HSH2D: variants seen among roughly 807,000 people sequenced by gnomAD.
The protein encoded by HSH2D is hematopoietic SH2 domain-containing protein.
HSH2D carries 16 observed loss-of-function variants against 21.5 expected under a neutral mutation model. The ratio of observed to expected loss-of-function variants is 0.74; its 90% confidence interval spans 0.50 to 1.13. The LOEUF (loss-of-function observed/expected upper bound fraction) is 1.13, where lower values mean the gene tolerates loss of function less well. HSH2D is among the 50% of genes most tolerant of loss of function. The pLI, the probability that HSH2D is intolerant of heterozygous loss-of-function variation, is 0.00. For missense variants in HSH2D, 418 were observed against 441.4 expected (o/e 0.95, Z 0.47); for synonymous variants, 172 against 184.7 (o/e 0.93, Z 0.56).
Position 16,148,890 on chromosome 19 carries a change from A to G in HSH2D, c.125+15A>G. 6.3e-7 allele frequency: 1 copy of G among 1,599,760 alleles called. No homozygotes were observed. The highest frequency in any genetic ancestry group is 1.1e-5 in the South Asian group (1 of 89,736). On this transcript the variant is annotated intron_variant, in intron 2 of 5. Transcript: ENST00000613986. The stretch of plus-strand genomic sequence containing the variant: ...ATCTCAAGAGAGTGAGGACACACCC[A>G]CACCCTCCACCCTGCCCTCCCCACC...
rs1346985717 is a variant in HSH2D at position 16,157,845 on chromosome 19, C to A, written c.*51C>A. On this transcript the variant is annotated 3_prime_UTR_variant, in exon 6 of 6. Coordinates refer to ENST00000613986, the MANE Select transcript of HSH2D (RefSeq NM_001382417.1). The surrounding 1 kb of genome is among the most constrained non-coding windows in gnomAD (Gnocchi z 4.4). ...ACTCGCTGCCAGGGGCTGCCACACT[C>A]CTGAATGCCTTAACATTTCTTCCAT... is the stretch of plus-strand genomic sequence containing the variant. 2.4e-5 allele frequency: 31 copies of A among 1,313,224 alleles called. No individual in the cohort carries two copies. The highest frequency in any genetic ancestry group is 3.0e-5 in the Non-Finnish European group (29 of 969,908). The allele number at this position is 1,313,224 out of a possible 1,614,324, so 81.3% of individuals were successfully genotyped here.
rs769787730 is a variant in HSH2D at position 16,148,788 on chromosome 19, C to T, written c.38C>T (p.Pro13Leu). 6 of 1,613,946 alleles carry T rather than the reference C, an allele frequency of 3.7e-6. No homozygotes were observed. In the South Asian group the frequency reaches 4.4e-5, roughly 12 times the overall value. ...GGGAAGCTGCCCCTACCGCTACCCC[C>T]ACGGCTGGACTGGTTTGTGCACACC... ...EAGKLPLPLP[P>L]RLDWFVHTQM... The change falls in exon 2 of 6, where the codon CCA (proline) becomes CTA (leucine). Residue 13 changes from proline to leucine, a missense_variant. Pro to Leu is a moderately conservative substitution (Grantham distance 98, BLOSUM62 -3). Coordinates refer to ENST00000613986, the MANE Select transcript of HSH2D (RefSeq NM_001382417.1).
intron 2 of HSH2D, chr19:16,151,476 T>C (rs1352597512): frequency 2.2e-6 from 1 of 455,454 alleles, no homozygotes; most frequent in Non-Finnish European, 4.4e-6. Flanking sequence ...TACTCTCCCC[T>C]TGAGGAAGCT....
intron 2 of HSH2D, 111 bp from the exon 3 acceptor site, chr19:16,152,441 A>G: frequency 1.7e-6 from 1 of 589,404 alleles, no homozygotes. Flanking sequence ...AGGAAAAAAG[A>G]AAAATGAAAA....
upstream of HSH2D, among the ~76,000 whole-genome samples, chr19:16,141,251 G>A (rs920292432): frequency 1.3e-5 from 2 of 152,206 alleles, no homozygotes; most frequent in African/African-American, 4.8e-5. Context: ...GACCACAGAG[G>A]GCAGACGAGG....
At chr19:16,144,464 C>T (rs2091036481) in intron 1 of HSH2D, among the ~76,000 whole-genome samples, 2 of 151,880 alleles carry the variant, frequency 1.3e-5, no homozygotes, top group South Asian at 2.1e-4. Flanking sequence ...AGCCTGTAAA[C>T]ATTACCCCAT....
In HSH2D at chr19:16,154,472, C is replaced by G; in HGVS notation, c.455C>G (p.Pro152Arg). The change falls in exon 5 of 6, where the codon CCG becomes CGG. Residue 152 changes from proline to arginine, a missense_variant. Transcript: ENST00000613986. ...GCAGTGGCCGAGGAAGCTGCCTGCC[C>G]GGTGTCTGCCCCTGAGGAGGTATGT... Reference protein sequence around the residue: ...SNAVAEEAACPVSAPEEASPK... With the variant: ...SNAVAEEAACRVSAPEEASPK... 3 of 1,552,002 alleles carry G rather than the reference C, an allele frequency of 1.9e-6. No individual in the cohort carries two copies. Among genetic ancestry groups the G allele is most frequent in the East Asian group, 2.4e-5 (1 of 41,000 alleles).
chr19:16,146,157 G>C (rs1384537599), intron 1 of HSH2D, among the ~76,000 whole-genome samples: 2 of 151,764 alleles, frequency 1.3e-5, no homozygotes, highest in East Asian at 1.9e-4. Context: ...CCTTTGGCTT[G>C]TCTTACACTC....
At chr19:16,144,944 A>G (rs1192032686) in intron 1 of HSH2D, among the ~76,000 whole-genome samples, 5 of 150,726 alleles carry the variant, frequency 3.3e-5, no homozygotes, top group Admixed American at 3.3e-4. Flanking sequence ...TGCCTGCCTC[A>G]GCCTCCCAAA....
Position 16,157,410 on chromosome 19 carries a change from C to T in HSH2D, c.675C>T (p.Leu225=), listed in dbSNP as rs1195902269. ...QRVRQQLKSH[L]ATVNLSSLLD... ...TCCGGCAGCAGCTAAAAAGCCACCT[C>T]GCCACTGTGAACTTGTCGTCACTCT... The change falls in exon 6 of 6, where the codon CTC becomes CTT. Residue 225 remains leucine, a synonymous_variant. Coordinates refer to ENST00000613986, the MANE Select transcript of HSH2D (RefSeq NM_001382417.1). The surrounding 1 kb of genome is among the most constrained non-coding windows in gnomAD (Gnocchi z 4.4). 2 of 1,613,796 alleles carry T rather than the reference C, an allele frequency of 1.2e-6. No homozygotes were observed. Among genetic ancestry groups the T allele is most frequent in the Non-Finnish European group, 1.7e-6 (2 of 1,179,870 alleles).
intron 1 of HSH2D, among the ~76,000 whole-genome samples, chr19:16,145,033 T>TTG (rs1555716618): frequency 5.3e-5 from 7 of 131,896 alleles, no homozygotes; most frequent in African/African-American, 2.1e-4. Context: ...GTTTTTTTTT[T>TTG]GGGGTTTTTT....
chr19:16,153,685 C>G (rs913946772), intron 4 of HSH2D, among the ~76,000 whole-genome samples: 2 of 151,172 alleles, frequency 1.3e-5, no homozygotes, highest in African/African-American at 2.4e-5. Context: ...TGGGCGTGGC[C>G]TGGCTCCCAA....
At chr19:16,146,139 G>A (rs2091066132) in intron 1 of HSH2D, among the ~76,000 whole-genome samples, 1 of 151,464 alleles carries the variant, frequency 6.6e-6, no homozygotes, top group Non-Finnish European at 1.5e-5. Context: ...TATCTAGCAA[G>A]ATACAATCCT....
chr19:16,135,173 G>A (rs1341821457), intron 1 of HSH2D, among the ~76,000 whole-genome samples: 1 of 152,168 alleles, frequency 6.6e-6, no homozygotes, highest in African/African-American at 2.4e-5. Flanking sequence ...TCAGGAGGCT[G>A]AGGCAGGAGA....
Position 16,153,168 on chromosome 19 carries a change from T to A in HSH2D, c.341T>A (p.Ile114Asn). 1 of 1,570,942 alleles carries A rather than the reference T, an allele frequency of 6.4e-7. No individual in the cohort carries two copies. The highest frequency in any genetic ancestry group is 1.9e-5 in the Admixed American group (1 of 52,920). Residue 114 changes from isoleucine to asparagine, a missense_variant, in exon 4 of 6, where the codon ATT (isoleucine) becomes AAT (asparagine). Ile to Asn is a moderately radical substitution (Grantham distance 149, BLOSUM62 -3). Transcript: ENST00000613986. ...ALVTFHQQKPIEPRRELLTQP... is the reference protein window; with the variant it reads ...ALVTFHQQKPNEPRRELLTQP... ...GTCACCTTCCACCAGCAGAAGCCAA[T>A]TGAGCCGCGCAGGGAGCTGCTGACA...
intron 4 of HSH2D, 113 bp downstream of exon 4, chr19:16,153,321 C>A: frequency 9.3e-7 from 1 of 1,073,020 alleles, no homozygotes; most frequent in Non-Finnish European, 1.3e-6. Context: ...CTCTCATGGT[C>A]CTTGGCCCCT....
At chr19:16,156,362 T>G (rs1474045278) in intron 5 of HSH2D, among the ~76,000 whole-genome samples, 2 of 151,004 alleles carry the variant, frequency 1.3e-5, no homozygotes, top group Non-Finnish European at 3.0e-5. Flanking sequence ...AAAAAAAAGA[T>G]TTGTAGAGAT....
Position 16,153,343 on chromosome 19 carries a change from C to G in HSH2D, c.381+135C>G, listed in dbSNP as rs1046831807. The stretch of plus-strand genomic sequence containing the variant: ...GGTCCTTGGCCCCTCCGGCCCCACC[C>G]CAGTAGTCCCTCTGCCCCCCACAGC... On this transcript the variant is annotated intron_variant, in intron 4 of 5. Coordinates refer to ENST00000613986, the MANE Select transcript of HSH2D (RefSeq NM_001382417.1). 11 of 833,596 alleles carry G rather than the reference C, an allele frequency of 1.3e-5. No individual in the cohort carries two copies. The African/African-American group carries it at 1.7e-4, about 13-fold the overall frequency. The allele number at this position is 833,596 out of a possible 1,614,324, so 51.6% of individuals were successfully genotyped here.
At chr19:16,140,217 C>T (rs536149459), upstream of HSH2D, among the ~76,000 whole-genome samples, 162 of 152,202 alleles carry the variant, frequency 1.1e-3, 3 homozygotes, top group African/African-American at 3.8e-3. Flanking sequence ...GCAGGTAGAT[C>T]GCTTGAGGCC....
Sources: allele counts gnomAD v4.1 joint callset (sites outside exome capture counted in the v4.1 genomes callset), GRCh38; gene constraint gnomAD v4.1.1; non-coding constraint Gnocchi (gnomAD v3.1); transcripts MANE v1.5; gene names NCBI Gene and HGNC (gene_info 2026-07-23, HGNC 2026-07-21).